The following FOCAD variants were observed in gnomAD, a reference collection of about 807,000 sequenced individuals.
The protein encoded by FOCAD is focadhesin, also known as KIAA1797.
FOCAD carries 198 observed loss-of-function variants against 225.6 expected under a neutral mutation model. That is an observed-to-expected ratio of 0.88 (90% CI 0.78 to 0.99). FOCAD has a LOEUF of 0.99. Ranked by LOEUF, FOCAD falls within the 50% of genes least tolerant of loss-of-function variation. The pLI is 0.00. For missense variants in FOCAD, 2,713 were observed against 2,123.6 expected (o/e 1.28, Z -5.46); for synonymous variants, 897 against 755.0 (o/e 1.19, Z -3.08).
At chr9:20,926,169 C>T (rs1834924390) in intron 25 of FOCAD, 132 bp from the exon 26 acceptor site, 1 of 607,188 alleles carries the variant, frequency 1.6e-6, no homozygotes, top group Non-Finnish European at 2.9e-6. Flanking sequence ...GCTTATAGTC[C>T]AAGCAGATGA....
chr9:20,661,030 T>A (rs1449693319), intron 2 of FOCAD, among the ~76,000 whole-genome samples: 1 of 152,096 alleles, frequency 6.6e-6, no homozygotes, highest in African/African-American at 2.4e-5. Flanking sequence ...CAGAGAGGAA[T>A]AATTTGAGAA....
chr9:20,820,941 G>A lies in FOCAD; in HGVS notation c.1663G>A (p.Asp555Asn). 11 of 1,610,132 alleles carry A rather than the reference G, an allele frequency of 6.8e-6. No homozygotes were observed. Among genetic ancestry groups the A allele is most frequent in the Non-Finnish European group, 9.3e-6 (11 of 1,178,040 alleles). ...CTTTTTTGTAAAATTGCCTTCGTAG[G>A]ACCGAGTCTATCCTGAACTGCAGCG... ...RLLTSLWEKQ[D>N]RVYPELQRFM... Residue 555 changes from aspartate to asparagine, a missense_variant and splice_region_variant, in exon 14 of 44, where the codon GAC becomes AAC. By Grantham distance (23) the Asp-to-Asn change is conservative (BLOSUM62 1). Transcript: ENST00000338382.
chr9:20,951,619 G>C (rs116025308), intron 34 of FOCAD, among the ~76,000 whole-genome samples: 53 of 152,282 alleles, frequency 3.5e-4, no homozygotes, highest in African/African-American at 1.2e-3. Context: ...TAATGGGGTA[G>C]TACATTTAAA....
At position 20,935,598 on chromosome 9, in the gene FOCAD, C is replaced by T. The variant is rs540155186; in HGVS notation, c.3407+2495C>T. 4.6e-5 allele frequency among the ~76,000 whole-genome samples: 7 copies of T among 152,284 alleles called. No homozygotes were observed. The South Asian group carries it at 1.0e-3, about 23-fold the overall frequency. On this transcript the variant is annotated intron_variant, in intron 28 of 43. Coordinates refer to ENST00000338382, the MANE Select transcript of FOCAD (RefSeq NM_001375567.1). ...TATTTTTAGTAGAGATGGGGTTTCA[C>T]CAATTGGTCAGGCTGGTCTCAAACT...
chr9:20,809,266 C>G lies in FOCAD; in HGVS notation c.1456-10530C>G, dbSNP rs559951685. On this transcript the variant is annotated intron_variant, in intron 11 of 43. Transcript: ENST00000338382. ...TCTCAGCCTTTTAGAACAGCTTTGT[C>G]CAAAAGAACTTTCTGCTATCATGTG... Among the ~76,000 whole-genome samples the G allele has an allele frequency of 3.3e-5, 5 of 152,210 alleles. No homozygotes were observed. In the South Asian group the frequency reaches 1.0e-3, roughly 32 times the overall value.
chr9:20,779,417 A>G (rs1367476294), intron 9 of FOCAD, among the ~76,000 whole-genome samples: 1 of 152,238 alleles, frequency 6.6e-6, no homozygotes, highest in Non-Finnish European at 1.5e-5. Flanking sequence ...GTATAGTGCC[A>G]TGATATGTTG....
chr9:20,946,932 C>G, intron 30 of FOCAD, 112 bp downstream of exon 30: 1 of 1,328,686 alleles, frequency 7.5e-7, no homozygotes. Flanking sequence ...ATGTCTAGAA[C>G]TGAGGAACTT....
chr9:20,799,461 A>G (rs1176815856), intron 11 of FOCAD, among the ~76,000 whole-genome samples: 3 of 151,888 alleles, frequency 2.0e-5, no homozygotes, highest in East Asian at 3.8e-4. Flanking sequence ...AAAGTCTCCC[A>G]TTATTATTGT....
At chr9:20,747,862 A>G (rs927421804) in intron 5 of FOCAD, among the ~76,000 whole-genome samples, 40 of 150,904 alleles carry the variant, frequency 2.7e-4, no homozygotes, top group Non-Finnish European at 7.4e-5. Context: ...TTAAAGGTAA[A>G]CTACTTTTTG....
Position 20,923,741 on chromosome 9 carries a change from C to T in FOCAD, c.2934C>T (p.Leu978=). Residue 978 remains leucine (L), a synonymous_variant, in exon 25 of 44, where the codon CTC becomes CTT. Coordinates refer to ENST00000338382, the MANE Select transcript of FOCAD (RefSeq NM_001375567.1). ...TCGTATCTAGACATGAAGCCAGCCT[C>T]TCCTCAGACTCTGACGGGCTCCTGG... ...AVVVSRHEAS[L]SSDSDGLLEV... 6.2e-7 allele frequency: 1 copy of T among 1,613,918 alleles called. No homozygotes were observed. The highest frequency in any genetic ancestry group is 8.5e-7 in the Non-Finnish European group (1 of 1,179,870).
chr9:20,679,117 G>GTGTA (rs1374004073), intron 2 of FOCAD, among the ~76,000 whole-genome samples: 1 of 128,966 alleles, frequency 7.8e-6, no homozygotes, highest in Admixed American at 7.9e-5. Flanking sequence ...CAGACAGTCT[G>GTGTA]TGTATGTGTG....
At chr9:20,729,433 G>C (rs1011549462) in intron 4 of FOCAD, among the ~76,000 whole-genome samples, 3 of 152,022 alleles carry the variant, frequency 2.0e-5, no homozygotes, top group African/African-American at 4.8e-5. Flanking sequence ...TTGGATTTAC[G>C]ACCCACCTAG....
chr9:20,686,405 C>T (rs918466862), intron 1 of FOCAD, among the ~76,000 whole-genome samples: 23 of 152,202 alleles, frequency 1.5e-4, no homozygotes, highest in African/African-American at 5.3e-4. Flanking sequence ...GATCCCTCCG[C>T]GTTGGTGTTA....
intron 28 of FOCAD, 141 bp from the exon 29 acceptor site, chr9:20,944,486 G>A: frequency 2.5e-6 from 2 of 810,188 alleles, no homozygotes; most frequent in Non-Finnish European, 3.9e-6. Context: ...TGGATGATGG[G>A]GCACACCATC....
chr9:20,805,403 A>G (rs962977477), intron 11 of FOCAD, among the ~76,000 whole-genome samples: 4 of 152,194 alleles, frequency 2.6e-5, no homozygotes, highest in African/African-American at 4.8e-5. Flanking sequence ...TTATAGTTTA[A>G]TACCACTCTG....
chr9:20,774,153 T>C (rs1400686012), intron 8 of FOCAD, among the ~76,000 whole-genome samples: 2 of 152,070 alleles, frequency 1.3e-5, no homozygotes, highest in African/African-American at 4.8e-5. Flanking sequence ...CTGCCCCAGG[T>C]GTGTGGAAAA....
chr9:20,665,079 T>C (rs1821857871), intron 2 of FOCAD, among the ~76,000 whole-genome samples: 1 of 152,084 alleles, frequency 6.6e-6, no homozygotes, highest in Non-Finnish European at 1.5e-5. Flanking sequence ...TACTCCAGTA[T>C]GGGGGTATTC....
intron 5 of FOCAD, among the ~76,000 whole-genome samples, chr9:20,754,979 G>T (rs1271788028): frequency 6.6e-6 from 1 of 152,126 alleles, no homozygotes; most frequent in African/African-American, 2.4e-5. Context: ...GGAGAATTTA[G>T]CTGTTTGCTT....
At chr9:20,849,033 A>T (rs969084689) in intron 15 of FOCAD, among the ~76,000 whole-genome samples, 2 of 152,022 alleles carry the variant, frequency 1.3e-5, no homozygotes, top group African/African-American at 4.8e-5. Context: ...CTCAGTTCAT[A>T]ATAGGCAAGC....
Sources: gnomAD v4.1 joint callset for allele counts (sites outside exome capture counted in the v4.1 genomes callset) on GRCh38, gnomAD v4.1.1 for gene constraint, MANE v1.5 for transcripts, NCBI Gene and HGNC (gene_info 2026-07-23, HGNC 2026-07-21) for gene names.